SH3TC2: variants seen among roughly 807,000 people sequenced by gnomAD.
SH3TC2 encodes SH3 domain and tetratricopeptide repeats 2.
Under a neutral mutation model 124.5 loss-of-function variants are expected in SH3TC2, and 87 were observed. The observed-to-expected ratio is 0.70, with a 90% CI of 0.59 to 0.84. The LOEUF is 0.84. SH3TC2 is among the 40% of genes least tolerant of loss of function. The pLI, the probability that SH3TC2 is intolerant of heterozygous loss-of-function variation, is 0.00. For missense variants in SH3TC2, 1,536 were observed against 1,566.4 expected, an observed-to-expected ratio of 0.98 and a Z score of 0.33; for synonymous variants, 634 against 628.5, an observed-to-expected ratio of 1.01 and a Z score of -0.13.
chr5:149,032,343 TTG>T lies in SH3TC2; in HGVS notation c.1002-658_1002-657del, dbSNP rs569672623. Among the ~76,000 whole-genome samples, 113 of 152,330 alleles carry T rather than the reference TTG, an allele frequency of 7.4e-4. No homozygotes were observed. In the East Asian group the frequency reaches 0.021, roughly 29 times the overall value. On this transcript the variant is annotated intron_variant, in intron 8 of 16. Coordinates refer to ENST00000515425, the MANE Select transcript of SH3TC2 (RefSeq NM_024577.4). ...AATAAAGATCTTGATACTCATGCTG[TTG>T]TGTAAACTAACTGTTAAGCCTAATT...
rs1344051588 is a variant in SH3TC2, at chr5:148,994,727, G to GATGGATGGATGA, written c.*9972_*9983dup. On this transcript the variant is annotated 3_prime_UTR_variant, in exon 17 of 17. Coordinates refer to ENST00000515425, the MANE Select transcript of SH3TC2 (RefSeq NM_024577.4). The stretch of plus-strand genomic sequence containing the variant: ...GGATGGATGGATGGATGGATGGATG[G>GATGGATGGATGA]ATGGATGGATGAATAGATGGATGAA... Among the ~76,000 whole-genome samples the GATGGATGGATGA allele has an allele frequency of 9.2e-5, 14 of 151,728 alleles. No individual in the cohort carries two copies. The highest frequency in any genetic ancestry group is 3.4e-4 in the African/African-American group (14 of 41,290).
intron 12 of SH3TC2, among the ~76,000 whole-genome samples, chr5:149,018,301 C>T (rs1471947191): frequency 6.6e-6 from 1 of 152,138 alleles, no homozygotes. Flanking sequence ...TGCCCACCAA[C>T]CTCCATATCT....
At chr5:149,041,938 C>A (rs1035709755) in intron 5 of SH3TC2, among the ~76,000 whole-genome samples, 1 of 152,098 alleles carries the variant, frequency 6.6e-6, no homozygotes, top group Non-Finnish European at 1.5e-5. Context: ...AATAGAATTT[C>A]ATTTATTGTT....
chr5:148,986,655 T>C lies in SH3TC2; in HGVS notation c.*18056A>G, dbSNP rs1050804854. ...TTCATACACAACAGGTTTGAGTACA[T>C]GACAGATACCTTTTTTGACAAATTA... On this transcript the variant is annotated 3_prime_UTR_variant, in exon 17 of 17. Coordinates refer to ENST00000515425, the MANE Select transcript of SH3TC2 (RefSeq NM_024577.4). Among the ~76,000 whole-genome samples the C allele has an allele frequency of 2.0e-5, 3 of 152,210 alleles. No individual in the cohort carries two copies. Among genetic ancestry groups the C allele is most frequent in the African/African-American group, 7.2e-5 (3 of 41,460 alleles).
intron 12 of SH3TC2, among the ~76,000 whole-genome samples, chr5:149,020,354 T>A (rs1753948652): frequency 6.6e-6 from 1 of 151,810 alleles, no homozygotes; most frequent in Non-Finnish European, 1.5e-5. Flanking sequence ...AACAAGGAAA[T>A]TAAAATAGTA....
chr5:149,044,282 G>A (rs966235061), intron 4 of SH3TC2: 2 of 438,144 alleles, frequency 4.6e-6, no homozygotes, highest in African/African-American at 2.0e-5. Context: ...CCAATTGATT[G>A]GTTATCTAAT....
At chr5:149,062,945 G>A in intron 1 of SH3TC2, 26 bp downstream of exon 1, 2 of 1,571,572 alleles carry the variant, frequency 1.3e-6, no homozygotes, top group Non-Finnish European at 1.7e-6. Flanking sequence ...CCAAGCCACA[G>A]GCCAAGGGCC....
intron 2 of SH3TC2, among the ~76,000 whole-genome samples, chr5:149,050,022 C>T (rs1297655250): frequency 1.3e-5 from 2 of 152,198 alleles, no homozygotes; most frequent in East Asian, 1.9e-4. Context: ...ATCCTTCCAA[C>T]ATCTGATCCA....
At chr5:149,053,787 CAT>C (rs1259733109) in intron 1 of SH3TC2, among the ~76,000 whole-genome samples, 1 of 152,014 alleles carries the variant, frequency 6.6e-6, no homozygotes, top group Non-Finnish European at 1.5e-5. Flanking sequence ...CTATTTGAAT[CAT>C]CTAGGTTGCC....
At chr5:149,050,471 C>T (rs917848673) in intron 2 of SH3TC2, among the ~76,000 whole-genome samples, 1 of 152,072 alleles carries the variant, frequency 6.6e-6, no homozygotes, top group African/African-American at 2.4e-5. Flanking sequence ...AAGTTCAGCC[C>T]GAGGTCAGTT....
chr5:149,054,455 G>A (rs1457923128), intron 1 of SH3TC2, among the ~76,000 whole-genome samples: 1 of 152,126 alleles, frequency 6.6e-6, no homozygotes, highest in Non-Finnish European at 1.5e-5. Flanking sequence ...GTTTTCACAG[G>A]TGATGCTCCT....
chr5:149,022,955 A>T (rs1754001491), intron 12 of SH3TC2, among the ~76,000 whole-genome samples: 1 of 152,246 alleles, frequency 6.6e-6, no homozygotes, highest in African/African-American at 2.4e-5. Flanking sequence ...TTCTGAAATT[A>T]AATAGCAGTG....
At chr5:149,023,476 T>C (rs905638773) in intron 12 of SH3TC2, among the ~76,000 whole-genome samples, 2 of 151,930 alleles carry the variant, frequency 1.3e-5, no homozygotes, top group African/African-American at 4.8e-5. Context: ...TATTCCTTGA[T>C]GGGTATTTAA....
intron 8 of SH3TC2, among the ~76,000 whole-genome samples, chr5:149,032,194 A>G (rs1423781729): frequency 6.6e-6 from 1 of 152,190 alleles, no homozygotes; most frequent in Non-Finnish European, 1.5e-5. Flanking sequence ...ATCTTTCACC[A>G]TTGTTAAGGT....
intron 2 of SH3TC2, among the ~76,000 whole-genome samples, chr5:149,049,475 A>T (rs905801025): frequency 5.3e-5 from 8 of 152,172 alleles, no homozygotes; most frequent in African/African-American, 1.9e-4. Flanking sequence ...GGGTTTTAAG[A>T]TGTTTACTAG....
At chr5:149,059,403 G>A (rs1432994078) in intron 1 of SH3TC2, among the ~76,000 whole-genome samples, 1 of 151,934 alleles carries the variant, frequency 6.6e-6, no homozygotes, top group Non-Finnish European at 1.5e-5. Context: ...TCCTCTCTCA[G>A]CCTCTCTTTG....
intron 12 of SH3TC2, among the ~76,000 whole-genome samples, chr5:149,015,372 A>G (rs1475752536): frequency 1.3e-5 from 2 of 152,222 alleles, no homozygotes; most frequent in Admixed American, 1.3e-4. Flanking sequence ...GTGGCCAAGC[A>G]GTGTCACCTA....
chr5:149,009,121 G>T, intron 14 of SH3TC2, 120 bp from the exon 15 acceptor site: 1 of 1,178,174 alleles, frequency 8.5e-7, no homozygotes, highest in East Asian at 2.3e-5. Context: ...AAACAAAGGG[G>T]AGTCAGCCAT....
intron 16 of SH3TC2, 78 bp from the exon 17 acceptor site, chr5:149,004,980 C>T: frequency 6.5e-7 from 1 of 1,536,774 alleles, no homozygotes; most frequent in Non-Finnish European, 9.0e-7. Flanking sequence ...CTGTGCTGGC[C>T]ACTCTAGTTT....
Sources: allele counts gnomAD v4.1 joint callset (sites outside exome capture counted in the v4.1 genomes callset), GRCh38; gene constraint gnomAD v4.1.1; transcripts MANE v1.5; gene names NCBI Gene and HGNC (gene_info 2026-07-23, HGNC 2026-07-21).